DHX57: variants seen among roughly 807,000 people sequenced by gnomAD.
The protein encoded by DHX57 is putative ATP-dependent RNA helicase DHX57.
A neutral mutation model predicts 156.2 loss-of-function variants in DHX57; 105 were observed. That is an observed-to-expected ratio of 0.67 (90% CI 0.57 to 0.79). The LOEUF is 0.79. DHX57 is among the 30% of genes least tolerant of loss of function. The pLI, the probability that DHX57 is intolerant of heterozygous loss-of-function variation, is 0.00. For synonymous variants in DHX57, 704 were observed against 595.6 expected (o/e 1.18, Z -2.65); for missense variants, 1,847 against 1,661.9 (o/e 1.11, Z -1.94).
At chr2:38,834,915 T>A (rs1248434314) in intron 13 of DHX57, among the ~76,000 whole-genome samples, 1 of 152,156 alleles carries the variant, frequency 6.6e-6, no homozygotes, top group African/African-American at 2.4e-5. Flanking sequence ...AGTTTTTATG[T>A]GGGAGCAAGA....
At chr2:38,845,226 C>T (rs1303140010) in intron 11 of DHX57, among the ~76,000 whole-genome samples, 2 of 149,924 alleles carry the variant, frequency 1.3e-5, no homozygotes, top group East Asian at 1.9e-4. Context: ...AAAAAAAACC[C>T]ATATATATAT....
chr2:38,804,994 C>CTG (rs1206862538), intron 22 of DHX57, among the ~76,000 whole-genome samples: 1 of 152,172 alleles, frequency 6.6e-6, no homozygotes, highest in African/African-American at 2.4e-5. Context: ...AGGGCAGAGA[C>CTG]TGTGTCCATC....
At chr2:38,836,115 G>A (rs1671642316) in intron 13 of DHX57, among the ~76,000 whole-genome samples, 1 of 152,222 alleles carries the variant, frequency 6.6e-6, no homozygotes. Context: ...CTTCTATTAT[G>A]ACGTGGACCA....
chr2:38,815,537 T>C lies in DHX57; in HGVS notation c.3590A>G (p.Asp1197Gly), dbSNP rs752594582. 1.2e-6 allele frequency: 2 copies of C among 1,614,126 alleles called. No homozygotes were observed. Among genetic ancestry groups the C allele is most frequent in the East Asian group, 4.5e-5 (2 of 44,878 alleles). ...ATTCTTTACCTCTTCTCCTGTGGCA[T>C]CTAAGACACCATCTCCTCCTTGGGC... ...KRAQGGDGVL[D>G]ATGEEANSNA... Residue 1197 changes from aspartate (D) to glycine (G), a missense_variant, in exon 20 of 24, where the codon GAT becomes GGT. Coordinates refer to ENST00000457308, the MANE Select transcript of DHX57 (RefSeq NM_198963.3).
chr2:38,802,702 A>G lies in DHX57; in HGVS notation c.4017+13T>C. ...GGCCTGAGCCTCATAAAACAGACCA[A>G]TTCTGCCTTTACCTGATGGGAAGCA... is the stretch of plus-strand genomic sequence containing the variant. On this transcript the variant is annotated intron_variant, in intron 23 of 23. Coordinates refer to ENST00000457308, the MANE Select transcript of DHX57 (RefSeq NM_198963.3). 2 of 1,613,726 alleles carry G rather than the reference A, an allele frequency of 1.2e-6. No homozygotes were observed. The highest frequency in any genetic ancestry group is 2.7e-5 in the African/African-American group (2 of 75,014).
chr2:38,822,039 C>G (rs1204149163), intron 17 of DHX57, among the ~76,000 whole-genome samples: 4 of 152,154 alleles, frequency 2.6e-5, no homozygotes, highest in African/African-American at 9.7e-5. Flanking sequence ...TCCACCACCC[C>G]CCGGCCCAGG....
intron 13 of DHX57, among the ~76,000 whole-genome samples, chr2:38,832,981 CTTTTT>C (rs773309488): frequency 3.0e-5 from 3 of 99,596 alleles, no homozygotes; most frequent in African/African-American, 1.1e-4. Flanking sequence ...AATGTCTATT[CTTTTT>C]TTTTTTTTTT....
At chr2:38,853,841 C>G (rs1298184944) in intron 9 of DHX57, 1 of 375,424 alleles carries the variant, frequency 2.7e-6, no homozygotes, top group Non-Finnish European at 4.9e-6. Context: ...AACAGGATGA[C>G]TCCATCTAAT....
chr2:38,853,316 TCTCA>T (rs1445633088), intron 9 of DHX57: 1 of 152,174 alleles, frequency 6.6e-6, no homozygotes, highest in East Asian at 1.9e-4. Context: ...GGAAACATGG[TCTCA>T]CTATGTTGCC....
At chr2:38,856,622 A>AATAACTCACTAAAGGGTTATTTTTGG in intron 6 of DHX57, 161 bp from the exon 7 acceptor site, 1 of 881,094 alleles carries the variant, frequency 1.1e-6, no homozygotes, top group Non-Finnish European at 1.6e-6. Context: ...TCCCGCCTCA[A>AATAACTCACTAAAGGGTTATTTTTGG]GCTCCCAAGT....
Position 38,856,374 on chromosome 2 carries a change from T to C in DHX57, c.1675A>G (p.Lys559Glu). Residue 559 changes from lysine (K) to glutamate (E), a missense_variant, in exon 7 of 24, where the codon AAG (lysine) becomes GAG (glutamate). Coordinates refer to ENST00000457308, the MANE Select transcript of DHX57 (RefSeq NM_198963.3). ...ERETILNLLR[K>E]HQVVVISGMT... ...CCACTTATGACAACCACCTGGTGCT[T>C]ACGCAATAAGTTAAGAATGGTTTCT... The C allele has an allele frequency of 6.2e-7, 1 of 1,613,170 alleles. No individual in the cohort carries two copies. Among genetic ancestry groups the C allele is most frequent in the Non-Finnish European group, 8.5e-7 (1 of 1,179,810 alleles).
At chr2:38,852,640 A>G (rs1237646959) in intron 9 of DHX57, among the ~76,000 whole-genome samples, 2 of 142,250 alleles carry the variant, frequency 1.4e-5, no homozygotes, top group Non-Finnish European at 3.0e-5. Context: ...ATGGAGTCTC[A>G]TGATATTTCC....
chr2:38,850,500 G>T (rs1046433326), intron 9 of DHX57, among the ~76,000 whole-genome samples: 2 of 151,948 alleles, frequency 1.3e-5, no homozygotes, highest in Non-Finnish European at 2.9e-5. Flanking sequence ...GGGCTCAAGT[G>T]ATCCTCTTGT....
chr2:38,855,328 G>C, intron 7 of DHX57, 76 bp from the exon 8 acceptor site: 1 of 1,424,722 alleles, frequency 7.0e-7, no homozygotes, highest in Non-Finnish European at 9.9e-7. Flanking sequence ...CATATGGAAT[G>C]AGAAAAGTGA....
chr2:38,809,518 GT>G (rs1670130356), intron 21 of DHX57, among the ~76,000 whole-genome samples: 2 of 150,620 alleles, frequency 1.3e-5, no homozygotes, highest in Non-Finnish European at 3.0e-5. Context: ...CTGGAGTGTG[GT>G]GGCGCAATTT....
chr2:38,814,140 G>A (rs923498449), intron 20 of DHX57, among the ~76,000 whole-genome samples: 11 of 152,112 alleles, frequency 7.2e-5, no homozygotes, highest in African/African-American at 1.7e-4. Context: ...GTTTCACCAT[G>A]TTGGCCAGGC....
intron 13 of DHX57, among the ~76,000 whole-genome samples, chr2:38,836,634 C>G (rs776154006): frequency 6.6e-6 from 1 of 151,810 alleles, no homozygotes; most frequent in Non-Finnish European, 1.5e-5. Flanking sequence ...ATTAGCCAGG[C>G]GTGGAGGTGC....
chr2:38,857,102 T>G lies in DHX57; in HGVS notation c.1588-641A>C, dbSNP rs1672941012. ...TGATGGAAATGTTCTATACCTGTGC[T>G]GTCCAATACAGCAACACCTGGCTAC... On this transcript the variant is annotated intron_variant, in intron 6 of 23. Transcript: ENST00000457308. The G allele has an allele frequency of 1.3e-5, 2 of 154,236 alleles. 1 individual carries two copies. The highest frequency in any genetic ancestry group is 3.8e-4 in the East Asian group (2 of 5,202). 9.6% of individuals were successfully genotyped at this position (154,236 alleles called of 1,614,324 possible). A position where few individuals can be genotyped will look rare whatever the true frequency, so the allele number is the denominator to read the frequency against.
chr2:38,827,537 CACAT>C lies in DHX57; in HGVS notation c.2639+799_2639+802del, dbSNP rs1455784198. 1.9e-4 allele frequency among the ~76,000 whole-genome samples: 10 copies of C among 53,120 alleles called. No homozygotes were observed. The East Asian group carries it at 8.7e-3, about 46-fold the overall frequency. 34.8% of individuals were successfully genotyped at this position (53,120 alleles called of 152,430 possible). On this transcript the variant is annotated intron_variant, in intron 14 of 23. Coordinates refer to ENST00000457308, the MANE Select transcript of DHX57 (RefSeq NM_198963.3). ...ATATATATATATATATATATATACA[CACAT>C]ACATATATATACACATACACACACA...
Sources: gnomAD v4.1 joint callset for allele counts (sites outside exome capture counted in the v4.1 genomes callset) on GRCh38, gnomAD v4.1.1 for gene constraint, MANE v1.5 for transcripts, NCBI Gene and HGNC (gene_info 2026-07-23, HGNC 2026-07-21) for gene names.